GNL2: variants seen among roughly 807,000 people sequenced by gnomAD.
GNL2 encodes nucleolar GTP-binding protein 2.
A neutral mutation model predicts 92.3 loss-of-function variants in GNL2; 51 were observed. The observed-to-expected ratio is 0.55, with a 90% confidence interval of 0.44 to 0.70. The LOEUF is 0.70. GNL2 is among the 30% of genes least tolerant of loss of function. GNL2 has a pLI of 0.00. For missense variants in GNL2, 844 were observed against 895.6 expected (o/e 0.94, Z 0.74); for synonymous variants, 283 against 300.6 (o/e 0.94, Z 0.61).
intron 8 of GNL2, among the ~76,000 whole-genome samples, chr1:37,580,756 T>C (rs1643754396): frequency 6.6e-6 from 1 of 152,200 alleles, no homozygotes; most frequent in African/African-American, 2.4e-5. Flanking sequence ...TCAGAGAATT[T>C]GGTAGTATGA....
chr1:37,593,762 C>T lies in GNL2; in HGVS notation c.149G>A (p.Arg50Lys), dbSNP rs1013702631. 11 of 1,610,988 alleles carry T rather than the reference C, an allele frequency of 6.8e-6. No individual in the cohort carries two copies. Among genetic ancestry groups the T allele is most frequent in the Admixed American group, 6.7e-5 (4 of 59,968 alleles). Residue 50 changes from arginine (R) to lysine (K), a missense_variant and splice_region_variant, in exon 2 of 16, where the codon AGG becomes AAG. Transcript: ENST00000373062. ...RLNMYRQKERRNSRGKIIKPL... is the reference protein window; with the variant it reads ...RLNMYRQKERKNSRGKIIKPL... ...AAGGATGACAGCACCCAGTGCTCAC[C>T]TGCGCTCCTTTTGCCTATACATATT... is the stretch of plus-strand genomic sequence containing the variant.
chr1:37,595,784 G>A lies in GNL2; in HGVS notation c.39C>T (p.Asn13=), dbSNP rs199677543. The A allele has an allele frequency of 3.3e-5, 53 of 1,614,076 alleles. No individual in the cohort carries two copies. Among genetic ancestry groups the A allele is most frequent in the Admixed American group, 1.0e-4 (6 of 60,010 alleles). ...CTGGGTTTGTGCTGGCCTTGGACGG[G>A]TTGATGGTGCTCCGTCCTTTGTACT... The part of the protein sequence containing the change: ...KPKYKGRSTI[N]PSKASTNPDR... Residue 13 remains asparagine (N), a synonymous_variant, in exon 1 of 16, where the codon AAC becomes AAT. Coordinates refer to ENST00000373062, the MANE Select transcript of GNL2 (RefSeq NM_013285.3).
At chr1:37,588,819 A>G (rs147833275) in intron 4 of GNL2, among the ~76,000 whole-genome samples, 1,691 of 152,376 alleles carry the variant, frequency 0.011, 39 homozygotes, top group African/African-American at 0.039. Flanking sequence ...ATTAGATTTT[A>G]TAAGTAATAG....
intron 5 of GNL2, among the ~76,000 whole-genome samples, chr1:37,584,352 G>A (rs966668181): frequency 6.6e-6 from 1 of 151,934 alleles, no homozygotes; most frequent in African/African-American, 2.4e-5. Context: ...GGGAGACTGG[G>A]GTGGGAGAAC....
chr1:37,590,899 T>G, intron 3 of GNL2, 54 bp from the exon 4 acceptor site: 1 of 1,419,994 alleles, frequency 7.0e-7, no homozygotes, highest in Admixed American at 2.2e-5. Flanking sequence ...GCATCCATCT[T>G]CCACTGACAC....
intron 5 of GNL2, among the ~76,000 whole-genome samples, chr1:37,587,074 C>T (rs1643859794): frequency 6.6e-6 from 1 of 152,058 alleles, no homozygotes; most frequent in Non-Finnish European, 1.5e-5. Context: ...CAAGACTAGC[C>T]TGGGCAACAC....
At chr1:37,579,941 A>C (rs1643740353) in intron 8 of GNL2, among the ~76,000 whole-genome samples, 1 of 151,870 alleles carries the variant, frequency 6.6e-6, no homozygotes, top group African/African-American at 2.4e-5. Context: ...ATCAAGAATT[A>C]AACCAGGAGG....
Position 37,566,942 on chromosome 1 carries a change from G to T in GNL2, c.2109C>A (p.Asn703Lys). 1 of 1,613,356 alleles carries T rather than the reference G, an allele frequency of 6.2e-7. No homozygotes were observed. Among genetic ancestry groups the T allele is most frequent in the Non-Finnish European group, 8.5e-7 (1 of 1,179,772 alleles). Reference sequence around the variant, plus strand: ...TTTTGTTCCTGTTCCTATTTTTCACGTTGTGTGTTTCATAGTAGCGCACAC... The same window carrying T: ...TTTTGTTCCTGTTCCTATTTTTCACTTTGTGTGTTTCATAGTAGCGCACAC... ...KVGVRYYETH[N>K]VKNRNRNKKK... The change falls in exon 16 of 16, where the codon AAC becomes AAA. Residue 703 changes from asparagine (N) to lysine (K), a missense_variant. Asn to Lys is a moderately conservative substitution (Grantham distance 94). Transcript: ENST00000373062.
In GNL2 at chr1:37,584,690, G is replaced by T. The variant is rs561915633; in HGVS notation, c.570-757C>A. On this transcript the variant is annotated intron_variant, in intron 5 of 15. Coordinates refer to ENST00000373062, the MANE Select transcript of GNL2 (RefSeq NM_013285.3). Reference sequence around the variant, plus strand: ...ACCGTTAGTGTTAAATGGGTACAGGGTTTCAGTTTGGGATGATGAAAAAGT... The same window carrying T: ...ACCGTTAGTGTTAAATGGGTACAGGTTTTCAGTTTGGGATGATGAAAAAGT... Among the ~76,000 whole-genome samples, 5 of 152,186 alleles carry T rather than the reference G, an allele frequency of 3.3e-5. No homozygotes were observed. In the South Asian group the frequency reaches 1.0e-3, roughly 32 times the overall value.
At chr1:37,571,388 T>A (rs1239617398) in intron 12 of GNL2, among the ~76,000 whole-genome samples, 1 of 152,220 alleles carries the variant, frequency 6.6e-6, no homozygotes, top group Non-Finnish European at 1.5e-5. Context: ...AGGCAAGATC[T>A]CTGACATTAG....
chr1:37,574,279 A>C (rs1643640608), intron 12 of GNL2, 64 bp downstream of exon 12: 1 of 927,570 alleles, frequency 1.1e-6, no homozygotes, highest in Non-Finnish European at 1.7e-6. Context: ...AGAGACAATC[A>C]CAAGCTACAC....
At position 37,582,289 on chromosome 1, in the gene GNL2, G is replaced by C; in HGVS notation, c.843C>G (p.Phe281Leu). Reference sequence around the variant, plus strand: ...CAAACGGGTTAGTAAGGCTTGCATGGAAAGCAAGTGTTGGATAATCCTGGG... The same window carrying C: ...CAAACGGGTTAGTAAGGCTTGCATGCAAAGCAAGTGTTGGATAATCCTGGG... ...VLSQDYPTLAFHASLTNPFGK... is the reference protein window; with the variant it reads ...VLSQDYPTLALHASLTNPFGK... The change falls in exon 8 of 16, where the codon TTC (phenylalanine) becomes TTG (leucine). Residue 281 changes from phenylalanine (F) to leucine (L), a missense_variant. By Grantham distance (22) the Phe-to-Leu change is conservative (BLOSUM62 0). Transcript: ENST00000373062. 1.2e-6 allele frequency: 2 copies of C among 1,613,626 alleles called. No homozygotes were observed. Among genetic ancestry groups the C allele is most frequent in the Non-Finnish European group, 1.7e-6 (2 of 1,179,794 alleles).
intron 5 of GNL2, among the ~76,000 whole-genome samples, chr1:37,585,897 G>A (rs1381051324): frequency 6.6e-6 from 1 of 152,052 alleles, no homozygotes; most frequent in African/African-American, 2.4e-5. Flanking sequence ...ACTGCCCAAG[G>A]GAAATGAAAT....
intron 12 of GNL2, among the ~76,000 whole-genome samples, chr1:37,571,443 G>C (rs1243854638): frequency 6.6e-6 from 1 of 152,150 alleles, no homozygotes; most frequent in African/African-American, 2.4e-5. Flanking sequence ...TGTCTTTTCA[G>C]ATCCCTAATT....
chr1:37,575,657 CAA>C lies in GNL2; in HGVS notation c.1079_1080del (p.Ile360ArgfsTer10). 3 of 1,602,196 alleles carry C rather than the reference CAA, an allele frequency of 1.9e-6. No homozygotes were observed. Among genetic ancestry groups the C allele is most frequent in the Non-Finnish European group, 2.6e-6 (3 of 1,176,290 alleles). On this transcript the variant is annotated frameshift_variant, in exon 10 of 16. Transcript: ENST00000373062. LOFTEE classifies it high-confidence loss of function. This position sits in a 1 kb window ranked among gnomAD's most constrained non-coding sequence, Gnocchi z 4.1. ...YITLMRRIFL[I>X]DCPGVVYPSE... ...GAGGGGTAAACCACACCTGGACAGT[CAA>C]TCAGGAATATCCGACGCATCAAAGT... is the stretch of plus-strand genomic sequence containing the variant.
chr1:37,592,915 A>C (rs1234176145), intron 2 of GNL2, 109 bp from the exon 3 acceptor site: 1 of 679,370 alleles, frequency 1.5e-6, no homozygotes, highest in East Asian at 2.6e-5. Flanking sequence ...TTTGGTTTTA[A>C]ATGATCATGA....
intron 12 of GNL2, chr1:37,570,087 T>C (rs1264325441): frequency 6.6e-6 from 1 of 152,238 alleles, no homozygotes; most frequent in Non-Finnish European, 1.5e-5. Context: ...CATGTATTTC[T>C]TCATAGCAGT....
chr1:37,573,837 G>C (rs1197781046), intron 12 of GNL2, among the ~76,000 whole-genome samples: 1 of 152,274 alleles, frequency 6.6e-6, no homozygotes, highest in East Asian at 1.9e-4. Flanking sequence ...AATGAGAGAG[G>C]GTGGAGTGAT....
intron 1 of GNL2, among the ~76,000 whole-genome samples, chr1:37,594,603 G>A (rs901315701): frequency 2.0e-5 from 3 of 151,874 alleles, no homozygotes; most frequent in Non-Finnish European, 2.9e-5. Context: ...GTGCAGTGTC[G>A]CGATCTCAGC....
Sources: allele counts gnomAD v4.1 joint callset (sites outside exome capture counted in the v4.1 genomes callset), GRCh38; gene constraint gnomAD v4.1.1; non-coding constraint Gnocchi (gnomAD v3.1); transcripts MANE v1.5; gene names NCBI Gene and HGNC (gene_info 2026-07-23, HGNC 2026-07-21).